CAMTA2: variants seen among roughly 807,000 people sequenced by gnomAD.
CAMTA2 encodes calmodulin-binding transcription activator 2.
CAMTA2 carries 56 observed loss-of-function variants against 135.7 expected under a neutral mutation model. The observed-to-expected ratio is 0.41, with a 90% CI of 0.33 to 0.52. The LOEUF is 0.52. Among genes scored for constraint, CAMTA2 ranks in the 20% least tolerant of loss-of-function variants. The probability of loss-of-function intolerance (pLI) is 0.16; values close to 1 mark genes in which losing one functional copy is unlikely to be tolerated. For synonymous variants in CAMTA2, 591 were observed against 604.6 expected (o/e 0.98, Z 0.33); for missense variants, 1,358 against 1,553.4 (o/e 0.87, Z 2.11).
At position 4,973,753 on chromosome 17, in the gene CAMTA2, G is replaced by A; in HGVS notation, c.2033C>T (p.Pro678Leu). ...APPVQDEGQG[P>L]GFEARVVVLV... is the part of the protein sequence containing the mutation. Reference sequence around the variant, plus strand: ...GACCACTACCCGTGCTTCGAACCCAGGCCCCTGGCCTTCATCCTGCGATAT... The same window carrying A: ...GACCACTACCCGTGCTTCGAACCCAAGCCCCTGGCCTTCATCCTGCGATAT... The change falls in exon 13 of 23, where the codon CCT becomes CTT. Residue 678 changes from proline (P) to leucine (L), a missense_variant. Physicochemically the swap from Pro to Leu is moderately conservative, Grantham distance 98. This residue lies in a region of CAMTA2 where 1,077 missense variants were observed against 1,127.5 expected (regional missense o/e 0.96). Transcript: ENST00000348066. The A allele has an allele frequency of 6.2e-7, 1 of 1,609,548 alleles. No homozygotes were observed. The highest frequency in any genetic ancestry group is 8.5e-7 in the Non-Finnish European group (1 of 1,177,168).
At chr17:4,984,269 C>A (rs537059724) in intron 3 of CAMTA2, among the ~76,000 whole-genome samples, 3 of 152,288 alleles carry the variant, frequency 2.0e-5, no homozygotes, top group African/African-American at 7.2e-5. Flanking sequence ...GATTCTTTAG[C>A]CTGACTCCAA....
chr17:4,969,067 G>T lies in CAMTA2; in HGVS notation c.3470+83C>A. ...GGAACCCTAGGCAGGGAATGGCAGT[G>T]AGGCATGATGATCAAGAGGATGAGT... On this transcript the variant is annotated intron_variant, in intron 21 of 22. Coordinates refer to ENST00000348066, the MANE Select transcript of CAMTA2 (RefSeq NM_015099.4). The surrounding 1 kb of genome is among the most constrained non-coding windows in gnomAD (Gnocchi z 5.6). 1.3e-6 allele frequency: 2 copies of T among 1,579,544 alleles called. No homozygotes were observed. Among genetic ancestry groups the T allele is most frequent in the Non-Finnish European group, 8.7e-7 (1 of 1,154,610 alleles).
Position 4,982,074 on chromosome 17 carries a change from C to A in CAMTA2, c.411+15G>T. ...GTCAGGAAGAGGGTGGCTCCCTGGG[C>A]TCTTCCGTCCTTACCTGGAGCAGCC... is the stretch of plus-strand genomic sequence containing the variant. On this transcript the variant is annotated intron_variant, in intron 6 of 22. Transcript: ENST00000348066. 6.2e-7 allele frequency: 1 copy of A among 1,604,834 alleles called. No homozygotes were observed. Among genetic ancestry groups the A allele is most frequent in the Non-Finnish European group, 8.5e-7 (1 of 1,171,796 alleles).
chr17:4,970,604 C>T, intron 16 of CAMTA2, 68 bp from the exon 17 acceptor site: 1 of 1,319,694 alleles, frequency 7.6e-7, no homozygotes, highest in South Asian at 1.2e-5. Flanking sequence ...TCAGTCCATT[C>T]CTATCTTGTT....
intron 11 of CAMTA2, 101 bp from the exon 12 acceptor site, chr17:4,974,601 C>A: frequency 1.4e-6 from 1 of 727,530 alleles, no homozygotes; most frequent in Non-Finnish European, 2.5e-6. Flanking sequence ...GGACACAGAA[C>A]CATATTCTTT....
chr17:4,980,378 C>A lies in CAMTA2; in HGVS notation c.944G>T (p.Arg315Leu). The A allele has an allele frequency of 1.2e-6, 2 of 1,614,020 alleles. No homozygotes were observed. Among genetic ancestry groups the A allele is most frequent in the Non-Finnish European group, 8.5e-7 (1 of 1,179,980 alleles). ...AGTGCCTCCTCTTGAAGAACCCCCT[C>A]GAGAAGTGGGAGGGCTAGGTCTGAT... Reference protein sequence around the residue: ...LEIRPSPPTSRGGSSRGGTAI... With the variant: ...LEIRPSPPTSLGGSSRGGTAI... The change falls in exon 9 of 23, where the codon CGA (arginine) becomes CTA (leucine). Residue 315 changes from arginine (R) to leucine (L), a missense_variant. Around this residue, in one of 4 missense-constraint regions of CAMTA2, gnomAD observed 1,077 missense variants for 1,127.5 expected, o/e 0.96. Coordinates refer to ENST00000348066, the MANE Select transcript of CAMTA2 (RefSeq NM_015099.4). This position sits in a 1 kb window ranked among gnomAD's most constrained non-coding sequence, Gnocchi z 5.3.
chr17:4,970,060 GGCGACCTC>G lies in CAMTA2; in HGVS notation c.3023_3030del (p.Arg1008ProfsTer24). 1 of 1,614,112 alleles carries G rather than the reference GGCGACCTC, an allele frequency of 6.2e-7. No homozygotes were observed. The highest frequency in any genetic ancestry group is 8.5e-7 in the Non-Finnish European group (1 of 1,180,030). ...CAGGAGGGTGCTGAAGGGACAGCCA[GGCGACCTC>G]GCTCAAAGGGCAGTTCGCTGTAGGC... On this transcript the variant is annotated frameshift_variant, in exon 18 of 23. Coordinates refer to ENST00000348066, the MANE Select transcript of CAMTA2 (RefSeq NM_015099.4). LOFTEE classifies it high-confidence loss of function.
At position 4,986,231 on chromosome 17, in the gene CAMTA2, C is replaced by T. The variant is rs1027086724; in HGVS notation, c.-9G>A. On this transcript the variant is annotated 5_prime_UTR_variant, in exon 2 of 23. Transcript: ENST00000348066. ...GTGTCCTTGGTATTCATGGTGAGGG[C>T]TCCAGGGGGCAAGGTCACCCCCGGC... 8.1e-6 allele frequency: 13 copies of T among 1,608,882 alleles called. No individual in the cohort carries two copies. The highest frequency in any genetic ancestry group is 1.3e-5 in the African/African-American group (1 of 74,776).
In CAMTA2 at chr17:4,980,725, C is replaced by G. The variant is rs996189623; in HGVS notation, c.701-104G>C. On this transcript the variant is annotated intron_variant, in intron 8 of 22. Transcript: ENST00000348066. The surrounding 1 kb of genome is among the most constrained non-coding windows in gnomAD (Gnocchi z 5.3). Reference sequence around the variant, plus strand: ...TATTTCCTGGGACGTCCCTATAAACCAGAGGTGTAATACTGATTGTAGCCA... The same window carrying G: ...TATTTCCTGGGACGTCCCTATAAACGAGAGGTGTAATACTGATTGTAGCCA... 1.1e-6 allele frequency: 1 copy of G among 876,022 alleles called. No individual in the cohort carries two copies. The highest frequency in any genetic ancestry group is 1.9e-6 in the Non-Finnish European group (1 of 536,874). The allele number at this position is 876,022 out of a possible 1,614,324, so 54.3% of individuals were successfully genotyped here.
rs781675659 is a variant in CAMTA2 at position 4,980,046 on chromosome 17, G to A, written c.1276C>T (p.Arg426Trp). 8 of 1,612,626 alleles carry A rather than the reference G, an allele frequency of 5.0e-6. No individual in the cohort carries two copies. The highest frequency in any genetic ancestry group is 1.3e-5 in the African/African-American group (1 of 74,912). The change falls in exon 9 of 23, where the codon CGG becomes TGG. Residue 426 changes from arginine (R) to tryptophan (W), a missense_variant. By Grantham distance (101) the Arg-to-Trp change is moderately radical. Around this residue, in one of 4 missense-constraint regions of CAMTA2, gnomAD observed 1,077 missense variants for 1,127.5 expected, o/e 0.96. Coordinates refer to ENST00000348066, the MANE Select transcript of CAMTA2 (RefSeq NM_015099.4). This position sits in a 1 kb window ranked among gnomAD's most constrained non-coding sequence, Gnocchi z 5.3. ...AAALEPQAAA[R>W]GPPPQSVAGG... ...GCTACTGACTGTGGTGGGGGACCCC[G>A]AGCAGCTGCCTGGGGCTCCAGGGCA...
chr17:4,968,332 G>A lies in CAMTA2; in HGVS notation c.*424C>T, dbSNP rs956758160. On this transcript the variant is annotated 3_prime_UTR_variant, in exon 23 of 23. Transcript: ENST00000348066. ...ACGCAAACATGCGGAGTCGGGTGGGGACACGGTCAGCCCTGAAACACGAGG... is the reference window on the plus strand; with the variant it reads ...ACGCAAACATGCGGAGTCGGGTGGGAACACGGTCAGCCCTGAAACACGAGG... 5.7e-5 allele frequency: 16 copies of A among 281,894 alleles called. No homozygotes were observed. Among genetic ancestry groups the A allele is most frequent in the African/African-American group, 3.3e-4 (15 of 45,552 alleles). 17.5% of individuals were successfully genotyped at this position (281,894 alleles called of 1,614,324 possible). A position where few individuals can be genotyped will look rare whatever the true frequency, so the allele number is the denominator to read the frequency against.
chr17:4,973,343 G>T, intron 13 of CAMTA2, 90 bp from the exon 14 acceptor site: 1 of 1,063,720 alleles, frequency 9.4e-7, no homozygotes. Flanking sequence ...TAGGAGGCAA[G>T]CTGTACAGGG....
Position 4,969,388 on chromosome 17 carries a change from C to G in CAMTA2, c.3283-51G>C. The G allele has an allele frequency of 6.2e-7, 1 of 1,610,158 alleles. No individual in the cohort carries two copies. Among genetic ancestry groups the G allele is most frequent in the Non-Finnish European group, 8.5e-7 (1 of 1,176,462 alleles). On this transcript the variant is annotated intron_variant, in intron 20 of 22. Transcript: ENST00000348066. This position sits in a 1 kb window ranked among gnomAD's most constrained non-coding sequence, Gnocchi z 5.6. ...GGGCTGAAATAGAGGGACGGAGACC[C>G]AAAGCCCTGAGGCTCACCCAAGTTA...
chr17:4,987,380 T>C lies in CAMTA2; in HGVS notation c.-65+213A>G. On this transcript the variant is annotated intron_variant, in intron 1 of 22. Transcript: ENST00000348066. The stretch of plus-strand genomic sequence containing the variant: ...ACAGTGCAGGTGCCGGGTGCGGGGG[T>C]CTCCGGGACAGTCCCCGGCACGCGC... 4.4e-6 allele frequency: 6 copies of C among 1,355,836 alleles called. No homozygotes were observed. In the South Asian group the frequency reaches 1.1e-4, roughly 24 times the overall value. 84.0% of individuals were successfully genotyped at this position (1,355,836 alleles called of 1,614,324 possible). A position where few individuals can be genotyped will look rare whatever the true frequency, so the allele number is the denominator to read the frequency against.
At chr17:4,981,158 C>T in intron 8 of CAMTA2, 67 bp downstream of exon 8, 1 of 1,563,186 alleles carries the variant, frequency 6.4e-7, no homozygotes, top group South Asian at 1.2e-5. Context: ...GATGGATATC[C>T]CCCTGGCTTG....
At chr17:4,983,534 C>T (rs113531395) in intron 3 of CAMTA2, among the ~76,000 whole-genome samples, 1,943 of 151,992 alleles carry the variant, frequency 0.013, 24 homozygotes, top group Non-Finnish European at 0.018. Flanking sequence ...ATCCACCCGC[C>T]TTGGCCTCCC....
Position 4,980,694 on chromosome 17 carries a change from T to TA in CAMTA2, c.701-74dup. On this transcript the variant is annotated intron_variant, in intron 8 of 22. Transcript: ENST00000348066. This position sits in a 1 kb window ranked among gnomAD's most constrained non-coding sequence, Gnocchi z 5.3. ...CGCACCTTCTCTACCTTGAGGCCCT[T>TA]AAAAGTATTTCCTGGGACGTCCCTA... 2 of 1,171,024 alleles carry TA rather than the reference T, an allele frequency of 1.7e-6. No individual in the cohort carries two copies. The highest frequency in any genetic ancestry group is 3.7e-5 in the Admixed American group (2 of 53,344). The allele number at this position is 1,171,024 out of a possible 1,614,324, so 72.5% of individuals were successfully genotyped here.
intron 13 of CAMTA2, 114 bp downstream of exon 13, chr17:4,973,471 C>A: frequency 1.8e-6 from 2 of 1,135,742 alleles, no homozygotes; most frequent in Non-Finnish European, 1.3e-6. Context: ...CCTCCCTTCC[C>A]ACAATGACCC....
intron 3 of CAMTA2, among the ~76,000 whole-genome samples, chr17:4,985,633 A>G (rs928656009): frequency 6.6e-6 from 1 of 152,118 alleles, no homozygotes; most frequent in African/African-American, 2.4e-5. Context: ...CATGTTTGCC[A>G]GGCTGGTCTT....
Sources: gnomAD v4.1 joint callset for allele counts (sites outside exome capture counted in the v4.1 genomes callset) on GRCh38, gnomAD v4.1.1 for gene constraint, gnomAD v4.1.1 regional missense constraint, Gnocchi (gnomAD v3.1) non-coding constraint, MANE v1.5 for transcripts, NCBI Gene and HGNC (gene_info 2026-07-23, HGNC 2026-07-21) for gene names.